Variants in LEF1 observed in about 807,000 individuals in gnomAD.
LEF1 encodes lymphoid enhancer-binding factor 1.
A neutral mutation model predicts 51.2 loss-of-function variants in LEF1; 14 were observed. That is an observed-to-expected ratio of 0.27 (90% CI 0.18 to 0.43). LEF1 has a LOEUF of 0.43. Ranked by LOEUF, LEF1 falls within the 20% of genes least tolerant of loss-of-function variation. The probability of loss-of-function intolerance (pLI) is 1.00; values close to 1 mark genes in which losing one functional copy is unlikely to be tolerated. For missense variants in LEF1, 386 were observed against 512.0 expected, an observed-to-expected ratio of 0.75 and a Z score of 2.37; for synonymous variants, 185 against 183.2, an observed-to-expected ratio of 1.01 and a Z score of -0.08.
intron 3 of LEF1, among the ~76,000 whole-genome samples, chr4:108,090,561 T>C (rs910660648): frequency 6.6e-5 from 10 of 152,150 alleles, no homozygotes; most frequent in African/African-American, 2.4e-4. Flanking sequence ...CACTTATTTA[T>C]TTATTATTTA....
chr4:108,127,014 T>C (rs943612448), intron 3 of LEF1, among the ~76,000 whole-genome samples: 2 of 152,038 alleles, frequency 1.3e-5, no homozygotes, highest in Non-Finnish European at 2.9e-5. Context: ...GAAAATGCTG[T>C]ATGTGAGTCA....
intron 6 of LEF1, among the ~76,000 whole-genome samples, chr4:108,080,344 C>G (rs1739202428): frequency 6.6e-6 from 1 of 152,150 alleles, no homozygotes; most frequent in African/African-American, 2.4e-5. Flanking sequence ...TTTCAATAAG[C>G]TCTCTAGATA....
At chr4:108,048,868 G>T in intron 11 of LEF1, 117 bp from the exon 12 acceptor site, 1 of 630,142 alleles carries the variant, frequency 1.6e-6, no homozygotes, top group Non-Finnish European at 2.4e-6. Flanking sequence ...AATCCATTTT[G>T]TTAATTTGGG....
At chr4:108,093,363 T>C (rs1392687677) in intron 3 of LEF1, among the ~76,000 whole-genome samples, 1 of 152,206 alleles carries the variant, frequency 6.6e-6, no homozygotes, top group African/African-American at 2.4e-5. Flanking sequence ...CCAAGTCTCC[T>C]GATTCCTACT....
At chr4:108,095,569 T>G (rs1042557883) in intron 3 of LEF1, among the ~76,000 whole-genome samples, 4 of 152,102 alleles carry the variant, frequency 2.6e-5, no homozygotes, top group Non-Finnish European at 5.9e-5. Flanking sequence ...TCAACTGTAA[T>G]GAAGCATCTA....
At chr4:108,085,668 GGAA>G (rs1358233653) in intron 4 of LEF1, among the ~76,000 whole-genome samples, 2 of 150,556 alleles carry the variant, frequency 1.3e-5, no homozygotes, top group East Asian at 4.0e-4. Flanking sequence ...GAAGAAGGAA[GGAA>G]CTAGAGGACA....
At chr4:108,143,901 A>C (rs528354590) in intron 3 of LEF1, among the ~76,000 whole-genome samples, 15 of 152,288 alleles carry the variant, frequency 9.8e-5, no homozygotes, top group Admixed American at 9.1e-4. Flanking sequence ...AATGGAGGTG[A>C]CAACACTGTA....
At chr4:108,125,754 T>C (rs1476867156) in intron 3 of LEF1, among the ~76,000 whole-genome samples, 1 of 152,042 alleles carries the variant, frequency 6.6e-6, no homozygotes. Flanking sequence ...GAAAACAGTT[T>C]AGTAGTCAAA....
At chr4:108,119,855 T>A (rs768470547) in intron 3 of LEF1, among the ~76,000 whole-genome samples, 1 of 152,144 alleles carries the variant, frequency 6.6e-6, no homozygotes, top group Non-Finnish European at 1.5e-5. Flanking sequence ...CTATCAATAT[T>A]TATCATATTG....
At chr4:108,130,224 T>C (rs1742786971) in intron 3 of LEF1, among the ~76,000 whole-genome samples, 1 of 152,188 alleles carries the variant, frequency 6.6e-6, no homozygotes, top group South Asian at 2.1e-4. Context: ...ATGATAACAC[T>C]GGTGACCAGA....
At chr4:108,111,709 C>G (rs929300173) in intron 3 of LEF1, among the ~76,000 whole-genome samples, 1 of 151,714 alleles carries the variant, frequency 6.6e-6, no homozygotes, top group Non-Finnish European at 1.5e-5. Flanking sequence ...CTCAGGAGTT[C>G]GAAACCAGCC....
chr4:108,163,382 C>G (rs1424871588), intron 3 of LEF1, among the ~76,000 whole-genome samples, 186 bp downstream of exon 3: 2 of 152,148 alleles, frequency 1.3e-5, no homozygotes, highest in Non-Finnish European at 2.9e-5. Context: ...GCTAAAATTT[C>G]AAAGGCAAGA....
intron 3 of LEF1, among the ~76,000 whole-genome samples, chr4:108,121,539 G>A (rs988888367): frequency 1.3e-5 from 2 of 152,114 alleles, no homozygotes; most frequent in African/African-American, 4.8e-5. Context: ...CAGTATTTCG[G>A]GCATTACAGA....
chr4:108,076,321 C>T (rs138119200), intron 8 of LEF1, among the ~76,000 whole-genome samples: 1,932 of 152,232 alleles, frequency 0.013, 16 homozygotes, highest in Middle Eastern at 0.02. Context: ...CCTATTTTGG[C>T]TAATAGAGGC....
chr4:108,055,024 A>C (rs1433298317), intron 11 of LEF1, among the ~76,000 whole-genome samples: 3 of 152,238 alleles, frequency 2.0e-5, no homozygotes, highest in African/African-American at 7.2e-5. Flanking sequence ...AAACACGTTA[A>C]AACTATCTCA....
intron 3 of LEF1, among the ~76,000 whole-genome samples, chr4:108,096,348 T>C (rs1740392230): frequency 6.6e-6 from 1 of 152,136 alleles, no homozygotes; most frequent in Non-Finnish European, 1.5e-5. Context: ...CTATGGGGTA[T>C]GGAAAACTTT....
chr4:108,057,885 T>C (rs1032214334), intron 11 of LEF1, among the ~76,000 whole-genome samples: 2 of 151,576 alleles, frequency 1.3e-5, no homozygotes, highest in Non-Finnish European at 2.9e-5. Flanking sequence ...TTTTTTTTTT[T>C]TTCCCCGAGA....
intron 3 of LEF1, among the ~76,000 whole-genome samples, chr4:108,097,611 G>A (rs1740480107): frequency 6.6e-6 from 1 of 152,172 alleles, no homozygotes; most frequent in African/African-American, 2.4e-5. Flanking sequence ...TGAAATGATA[G>A]ATGCTTGAGG....
intron 3 of LEF1, among the ~76,000 whole-genome samples, chr4:108,149,599 GTATATATGTACATATATATACATGTGTA>G (rs1189130182): frequency 6.0e-5 from 9 of 148,904 alleles, no homozygotes; most frequent in Non-Finnish European, 8.9e-5. Flanking sequence ...ATATTTGTGT[GTATATATGTACATATATATACATGTGTA>G]TATATATGTA....
Sources: gnomAD v4.1 joint callset for allele counts (sites outside exome capture counted in the v4.1 genomes callset) on GRCh38, gnomAD v4.1.1 for gene constraint, MANE v1.5 for transcripts, NCBI Gene and HGNC (gene_info 2026-07-23, HGNC 2026-07-21) for gene names.